Variants in ABCA8 observed in about 807,000 individuals in gnomAD.
The protein encoded by ABCA8 is ATP binding cassette subfamily A member 8, also known as ABC-type organic anion transporter ABCA8.
In ABCA8, 177 loss-of-function variants were observed where a neutral mutation model predicts 192.3. The observed-to-expected ratio is 0.92, with a 90% CI of 0.81 to 1.04. The LOEUF (loss-of-function observed/expected upper bound fraction) is 1.04. Ranked by LOEUF, ABCA8 falls within the 50% of genes least tolerant of loss-of-function variation. The pLI, the probability that ABCA8 is intolerant of heterozygous loss-of-function variation, is 0.00. For synonymous variants in ABCA8, 642 were observed against 690.2 expected, an observed-to-expected ratio of 0.93 and a Z score of 1.09; for missense variants, 1,915 against 1,904.8, an observed-to-expected ratio of 1.01 and a Z score of -0.10.
intron 11 of ABCA8, among the ~76,000 whole-genome samples, chr17:68,923,891 A>G (rs1243087570): frequency 6.6e-6 from 1 of 152,134 alleles, no homozygotes; most frequent in Non-Finnish European, 1.5e-5. Flanking sequence ...AGTCACCAGC[A>G]CCAAACAAAA....
At chr17:68,887,915 T>TA (rs2066520178) in intron 24 of ABCA8, among the ~76,000 whole-genome samples, 1 of 45,078 alleles carries the variant, frequency 2.2e-5, no homozygotes, top group Admixed American at 3.3e-4. Flanking sequence ...TATCCATATA[T>TA]ATATATATAT....
chr17:68,894,854 A>G, intron 22 of ABCA8, 26 bp downstream of exon 22: 1 of 1,592,410 alleles, frequency 6.3e-7, no homozygotes, highest in Non-Finnish European at 8.5e-7. Flanking sequence ...CACATTTTTC[A>G]GAAAGATTAT....
At chr17:68,888,214 T>C (rs1282045918) in intron 24 of ABCA8, among the ~76,000 whole-genome samples, 1 of 151,686 alleles carries the variant, frequency 6.6e-6, no homozygotes, top group African/African-American at 2.4e-5. Flanking sequence ...TGTATCTACA[T>C]AAATATAAAT....
At chr17:68,932,263 T>C (rs374586904) in intron 7 of ABCA8, 25 bp downstream of exon 7, 135 of 1,548,806 alleles carry the variant, frequency 8.7e-5, no homozygotes, top group Middle Eastern at 3.4e-4. Context: ...CCTCCGTTTA[T>C]TTATTTGTGC....
intron 17 of ABCA8, among the ~76,000 whole-genome samples, chr17:68,908,710 CA>C (rs912862723): frequency 2.2e-4 from 34 of 152,276 alleles, no homozygotes; most frequent in African/African-American, 7.9e-4. Context: ...GAGAAACAGA[CA>C]AACACAATAT....
chr17:68,924,780 C>G lies in ABCA8; in HGVS notation c.1363G>C (p.Asp455His), dbSNP rs2067650150. The change falls in exon 11 of 40, where the codon GAT becomes CAT. Residue 455 changes from aspartate to histidine, a missense_variant. Asp to His is a moderately conservative substitution (Grantham distance 81). Transcript: ENST00000586539. ...AATGAAGGATCGGCATCCATTTCAT[C>G]TTCAAGGGCCACGTGATCAGTCTTT... ...TQKTDHVALE[D>H]EMDADPSFHD... 7 of 1,614,104 alleles carry G rather than the reference C, an allele frequency of 4.3e-6. No homozygotes were observed. Among genetic ancestry groups the G allele is most frequent in the Non-Finnish European group, 5.9e-6 (7 of 1,179,972 alleles).
intron 30 of ABCA8, among the ~76,000 whole-genome samples, 197 bp from the exon 31 acceptor site, chr17:68,882,177 C>T (rs1268108867): frequency 6.6e-6 from 1 of 152,142 alleles, no homozygotes; most frequent in Non-Finnish European, 1.5e-5. Flanking sequence ...ATTTTCCTCT[C>T]CTACAAAGGC....
Position 68,911,942 on chromosome 17 carries a change from A to G in ABCA8, c.2139-4063T>C, listed in dbSNP as rs1053350420. On this transcript the variant is annotated intron_variant, in intron 17 of 39. Transcript: ENST00000586539. The surrounding 1 kb of genome is among the most constrained non-coding windows in gnomAD (Gnocchi z 5.7). Reference sequence around the variant, plus strand: ...GCTGCAGTGACCAAAGACTTAGACCATAACATTCTATTCCCTTTGAATACT... The same window carrying G: ...GCTGCAGTGACCAAAGACTTAGACCGTAACATTCTATTCCCTTTGAATACT... Among the ~76,000 whole-genome samples the G allele has an allele frequency of 3.9e-5, 6 of 152,198 alleles. No individual in the cohort carries two copies. Among genetic ancestry groups the G allele is most frequent in the South Asian group, 2.1e-4 (1 of 4,834 alleles).
At chr17:68,895,699 G>A (rs2066733721) in intron 21 of ABCA8, among the ~76,000 whole-genome samples, 1 of 152,108 alleles carries the variant, frequency 6.6e-6, no homozygotes, top group Non-Finnish European at 1.5e-5. Context: ...TATTCCCCAA[G>A]CCCAGTTCAG....
intron 24 of ABCA8, among the ~76,000 whole-genome samples, chr17:68,890,803 G>A (rs541600836): frequency 6.6e-6 from 1 of 152,358 alleles, no homozygotes; most frequent in African/African-American, 2.4e-5. Context: ...ACAGGCGTGA[G>A]CCACCAAGCT....
At chr17:68,938,926 C>T (rs1424347631) in intron 4 of ABCA8, among the ~76,000 whole-genome samples, 1 of 152,110 alleles carries the variant, frequency 6.6e-6, no homozygotes, top group Non-Finnish European at 1.5e-5. Context: ...ACTTTATTGA[C>T]AAATACATTG....
At chr17:68,890,140 G>T (rs2218350) in intron 24 of ABCA8, among the ~76,000 whole-genome samples, 1 of 152,124 alleles carries the variant, frequency 6.6e-6, no homozygotes, top group African/African-American at 2.4e-5. Context: ...ATTATTTTGC[G>T]AAGTGATTGT....
At chr17:68,954,530 A>C (rs948645533) in intron 1 of ABCA8, among the ~76,000 whole-genome samples, 1 of 152,158 alleles carries the variant, frequency 6.6e-6, no homozygotes. Flanking sequence ...GTAATGACTC[A>C]TTTTTATCCT....
At chr17:68,899,310 A>G (rs8076099) in intron 21 of ABCA8, among the ~76,000 whole-genome samples, 28,962 of 151,972 alleles carry the variant, frequency 0.19, 2,899 homozygotes, top group East Asian at 0.29. Flanking sequence ...ATTTAAAAAC[A>G]CTATCCAACT....
chr17:68,882,665 C>T lies in ABCA8; in HGVS notation c.3762G>A (p.Glu1254=), dbSNP rs1298342941. Residue 1254 remains glutamate, a synonymous_variant, in exon 30 of 40, where the codon GAG becomes GAA. Transcript: ENST00000586539. ...CTCTTTCCATCTGAACATCTTCATC[C>T]TCTCCTTCTGGTTCTTCTGGATTTT... is the stretch of plus-strand genomic sequence containing the variant. ...VCQNPEEPEG[E]DEDVQMERVR... The T allele has an allele frequency of 1.9e-6, 3 of 1,612,904 alleles. No homozygotes were observed. Among genetic ancestry groups the T allele is most frequent in the East Asian group, 2.2e-5 (1 of 44,810 alleles).
intron 1 of ABCA8, among the ~76,000 whole-genome samples, chr17:68,952,282 G>A (rs568902179): frequency 2.0e-5 from 3 of 151,932 alleles, no homozygotes; most frequent in Non-Finnish European, 4.4e-5. Context: ...GCAGTGGTGC[G>A]ATCTCGGCTC....
chr17:68,921,206 G>C (rs1444006956), intron 13 of ABCA8, among the ~76,000 whole-genome samples, 176 bp downstream of exon 13: 1 of 152,044 alleles, frequency 6.6e-6, no homozygotes, highest in Non-Finnish European at 1.5e-5. Flanking sequence ...GTTGTGGGGT[G>C]GGGGGAGTGG....
At chr17:68,937,190 CT>C (rs1386780933) in intron 4 of ABCA8, 75 bp from the exon 5 acceptor site, 33 of 1,251,382 alleles carry the variant, frequency 2.6e-5, no homozygotes, top group Non-Finnish European at 3.3e-5. Flanking sequence ...TGTTGAATTG[CT>C]TTTACTAGAG....
rs775999429 is a variant in ABCA8, at chr17:68,903,444, A to G, written c.2454T>C (p.Leu818=). ...AAGAGAGGACTTGTTCCATCTCAAC[A>G]AGCCTTTCAGTGTCGTCAGCTTTTT... ...QAEKADDTER[L]VEMEQVLSSL... The change falls in exon 20 of 40, where the codon CTT becomes CTC. Residue 818 remains leucine, a synonymous_variant. Transcript: ENST00000586539. 6 of 1,614,160 alleles carry G rather than the reference A, an allele frequency of 3.7e-6. No homozygotes were observed. The South Asian group carries it at 6.6e-5, about 18-fold the overall frequency.
Sources: gnomAD v4.1 joint callset for allele counts (sites outside exome capture counted in the v4.1 genomes callset) on GRCh38, gnomAD v4.1.1 for gene constraint, Gnocchi (gnomAD v3.1) non-coding constraint, MANE v1.5 for transcripts, NCBI Gene and HGNC (gene_info 2026-07-23, HGNC 2026-07-21) for gene names.